Variants in TAF1L observed in about 807,000 individuals in gnomAD.
TAF1L encodes transcription initiation factor TFIID subunit 1-like.
Under a neutral mutation model 128.8 loss-of-function variants are expected in TAF1L, and 30 were observed. That is an observed-to-expected ratio of 0.23 (90% confidence interval 0.17 to 0.32). The LOEUF (loss-of-function observed/expected upper bound fraction) is 0.32. Ranked by LOEUF, TAF1L falls within the 10% of genes least tolerant of loss-of-function variation. TAF1L has a pLI of 1.00. For synonymous variants in TAF1L, 764 were observed against 790.7 expected, an observed-to-expected ratio of 0.97 and a Z score of 0.57; for missense variants, 2,099 against 2,253.7, an observed-to-expected ratio of 0.93 and a Z score of 1.39.
rs764175922 is a variant in TAF1L, at chr9:32,635,338, G to T, written c.242C>A (p.Thr81Lys). ...AGTCCCAGTCAATTCTTCATTTGCC[G>T]TGAGTTCAGTGATTAGGCTGCCCAG... ...LGLGSLITEL[T>K]ANEELTGTGG... The change falls in exon 1 of 1, where the codon ACG (threonine) becomes AAG (lysine). Residue 81 changes from threonine (T) to lysine (K), a missense_variant. By Grantham distance (78) the Thr-to-Lys change is moderately conservative (BLOSUM62 -1). Around this residue, in one of 4 missense-constraint regions of TAF1L, gnomAD observed 473 missense variants for 429.6 expected, o/e 1.10. Coordinates refer to ENST00000242310, the MANE Select transcript of TAF1L (RefSeq NM_153809.2). 2.5e-6 allele frequency: 4 copies of T among 1,613,942 alleles called. No individual in the cohort carries two copies. The highest frequency in any genetic ancestry group is 1.1e-5 in the South Asian group (1 of 91,072).
In TAF1L at chr9:32,633,094, A is replaced by G; in HGVS notation, c.2486T>C (p.Phe829Ser). Reference sequence around the variant, plus strand: ...ACTCTTCCAGAAAAGGCGGTAAATAAAAACCTGTAGAAAGTCTCGAATATG... The same window carrying G: ...ACTCTTCCAGAAAAGGCGGTAAATAGAAACCTGTAGAAAGTCTCGAATATG... ...NMHIRDFLQV[F>S]IYRLFWKSKD... The change falls in exon 1 of 1, where the codon TTT becomes TCT. Residue 829 changes from phenylalanine to serine, a missense_variant. Physicochemically the swap from Phe to Ser is radical, Grantham distance 155. This residue lies in a region of TAF1L where 1,213 missense variants were observed against 1,391.4 expected (regional missense o/e 0.87). Transcript: ENST00000242310. The G allele has an allele frequency of 6.2e-7, 1 of 1,614,220 alleles. No individual in the cohort carries two copies. The highest frequency in any genetic ancestry group is 1.7e-5 in the Admixed American group (1 of 60,018).
In TAF1L at chr9:32,635,648, C is replaced by T. The variant is rs973358147; in HGVS notation, c.-69G>A. ...GCTCCCTTACCCTACCAGCGTCTAC[C>T]GGAAGCTGAATAAAGGCGGGGGGAG... On this transcript the variant is annotated 5_prime_UTR_variant, in exon 1 of 1. Transcript: ENST00000242310. 2.6e-5 allele frequency: 35 copies of T among 1,343,062 alleles called. No individual in the cohort carries two copies. Among genetic ancestry groups the T allele is most frequent in the Non-Finnish European group, 3.1e-5 (32 of 1,026,696 alleles). 83.2% of individuals were successfully genotyped at this position (1,343,062 alleles called of 1,614,324 possible). A position where few individuals can be genotyped will look rare whatever the true frequency, so the allele number is the denominator to read the frequency against.
Position 32,631,853 on chromosome 9 carries a change from G to A in TAF1L, c.3727C>T (p.Arg1243Trp), listed in dbSNP as rs747277259. ...EKHREEMRKE[R>W]RRIQEQLRRL... ...CTCAGTTGCTCTTGAATCCTCCGCCGTTCTTTCCGCATCTCTTCCCGATGT... is the reference window on the plus strand; with the variant it reads ...CTCAGTTGCTCTTGAATCCTCCGCCATTCTTTCCGCATCTCTTCCCGATGT... Residue 1243 changes from arginine (R) to tryptophan (W), a missense_variant, in exon 1 of 1, where the codon CGG becomes TGG. By Grantham distance (101) the Arg-to-Trp change is moderately radical. This residue lies in a region of TAF1L where 1,213 missense variants were observed against 1,391.4 expected (regional missense o/e 0.87). Transcript: ENST00000242310. The surrounding 1 kb of genome is among the most constrained non-coding windows in gnomAD (Gnocchi z 4.1). 8.1e-6 allele frequency: 13 copies of A among 1,613,962 alleles called. No homozygotes were observed. Among genetic ancestry groups the A allele is most frequent in the East Asian group, 2.2e-5 (1 of 44,892 alleles).
rs761527217 is a variant in TAF1L, at chr9:32,631,909, A to G, written c.3671T>C (p.Phe1224Ser). ...ATCAAAAAGGGCAAATTTTTGAATG[A>G]ATTTCTCATCTTTTGTAGTCCGTAT... Reference protein sequence around the residue: ...VRIRTTKDEKFIQKFALFDEK... With the variant: ...VRIRTTKDEKSIQKFALFDEK... Residue 1224 changes from phenylalanine (F) to serine (S), a missense_variant, in exon 1 of 1, where the codon TTC becomes TCC. Coordinates refer to ENST00000242310, the MANE Select transcript of TAF1L (RefSeq NM_153809.2). The surrounding 1 kb of genome is among the most constrained non-coding windows in gnomAD (Gnocchi z 4.1). 54 of 1,614,034 alleles carry G rather than the reference A, an allele frequency of 3.3e-5. 1 individual carries two copies. In the East Asian group the frequency reaches 7.1e-4, roughly 21 times the overall value.
rs1822529751 is a variant in TAF1L, at chr9:32,632,444, C to G, written c.3136G>C (p.Asp1046His). 6.2e-7 allele frequency: 1 copy of G among 1,614,232 alleles called. No homozygotes were observed. Among genetic ancestry groups the G allele is most frequent in the Non-Finnish European group, 8.5e-7 (1 of 1,180,046 alleles). Residue 1046 changes from aspartate (D) to histidine (H), a missense_variant, in exon 1 of 1, where the codon GAT becomes CAT. Asp to His is a moderately conservative substitution (Grantham distance 81). Coordinates refer to ENST00000242310, the MANE Select transcript of TAF1L (RefSeq NM_153809.2). The surrounding 1 kb of genome is among the most constrained non-coding windows in gnomAD (Gnocchi z 4.4). Reference protein sequence around the residue: ...IKKLSRWEVIDVVRTMSTEQA... With the variant: ...IKKLSRWEVIHVVRTMSTEQA... ...TCTGTTGACATTGTGCGCACCACAT[C>G]AATCACTTCCCAGCGGGACAACTTT...
chr9:32,634,986 C>T lies in TAF1L; in HGVS notation c.594G>A (p.Glu198=), dbSNP rs573007200. ...SIIAPSFLAS[E]KVDFSSYSDS... is the part of the protein sequence containing the mutation. ...CAGAGTAACTACTGAAATCCACTTT[C>T]TCTGAGGCCAAAAAGGAAGGGGCAA... The change falls in exon 1 of 1, where the codon GAG becomes GAA. Residue 198 remains glutamate, a synonymous_variant. Coordinates refer to ENST00000242310, the MANE Select transcript of TAF1L (RefSeq NM_153809.2). 6.2e-7 allele frequency: 1 copy of T among 1,614,120 alleles called. No individual in the cohort carries two copies. Among genetic ancestry groups the T allele is most frequent in the African/African-American group, 1.3e-5 (1 of 75,028 alleles).
chr9:32,631,586 C>T lies in TAF1L; in HGVS notation c.3994G>A (p.Glu1332Lys). The T allele has an allele frequency of 6.2e-7, 1 of 1,614,172 alleles. No homozygotes were observed. Among genetic ancestry groups the T allele is most frequent in the South Asian group, 1.1e-5 (1 of 91,086 alleles). The change falls in exon 1 of 1, where the codon GAA becomes AAA. Residue 1332 changes from glutamate to lysine, a missense_variant. Physicochemically the swap from Glu to Lys is moderately conservative, Grantham distance 56. This residue lies in a region of TAF1L where 1,213 missense variants were observed against 1,391.4 expected (regional missense o/e 0.87). Coordinates refer to ENST00000242310, the MANE Select transcript of TAF1L (RefSeq NM_153809.2). The surrounding 1 kb of genome is among the most constrained non-coding windows in gnomAD (Gnocchi z 4.1). ...GTCCCTTCAACCTTGATAAGTTCTT[C>T]ATTATCATTATGAATGACTGTCTTT... ...LEKTVIHNDNEELIKVEGTKI... is the reference protein window; with the variant it reads ...LEKTVIHNDNKELIKVEGTKI...
At position 32,630,670 on chromosome 9, in the gene TAF1L, A is replaced by G. The variant is rs1467148808; in HGVS notation, c.4910T>C (p.Ile1637Thr). 6.2e-7 allele frequency: 1 copy of G among 1,614,194 alleles called. No individual in the cohort carries two copies. The highest frequency in any genetic ancestry group is 8.5e-7 in the Non-Finnish European group (1 of 1,180,034). Reference protein sequence around the residue: ...DEHLTQLEKDICTAKEAALEE... With the variant: ...DEHLTQLEKDTCTAKEAALEE... ...CAAAGCTGCTTCTTTAGCTGTACAAATATCCTTCTCAAGTTGAGTCAAATG... is the reference window on the plus strand; with the variant it reads ...CAAAGCTGCTTCTTTAGCTGTACAAGTATCCTTCTCAAGTTGAGTCAAATG... The change falls in exon 1 of 1, where the codon ATT becomes ACT. Residue 1637 changes from isoleucine to threonine, a missense_variant. This residue lies in a region of TAF1L where 404 missense variants were observed against 406.5 expected (regional missense o/e 0.99). Transcript: ENST00000242310.
chr9:32,633,642 T>C lies in TAF1L; in HGVS notation c.1938A>G (p.Ala646=), dbSNP rs1391253415. The change falls in exon 1 of 1, where the codon GCA becomes GCG. Residue 646 remains alanine (A), a synonymous_variant. Transcript: ENST00000242310. ...CTGAATGGGGACCTGGCTGAGAGAG[T>C]GCACCAAATGAGTACTTTTTCAGAG... ...RPPLKKYSFG[A]LSQPGPHSVQ... is the part of the protein sequence containing the mutation. 7 of 1,613,826 alleles carry C rather than the reference T, an allele frequency of 4.3e-6. No individual in the cohort carries two copies. The highest frequency in any genetic ancestry group is 5.9e-6 in the Non-Finnish European group (7 of 1,179,986).
Position 32,632,959 on chromosome 9 carries a change from G to C in TAF1L, c.2621C>G (p.Thr874Arg). Residue 874 changes from threonine to arginine, a missense_variant, in exon 1 of 1, where the codon ACA becomes AGA. This residue lies in a region of TAF1L where 1,213 missense variants were observed against 1,391.4 expected (regional missense o/e 0.87). Coordinates refer to ENST00000242310, the MANE Select transcript of TAF1L (RefSeq NM_153809.2). The surrounding 1 kb of genome is among the most constrained non-coding windows in gnomAD (Gnocchi z 4.4). ...CACCCACCAGTTTGAATCCATCCCT[G>C]TGCGTTTGAAGTCAGCGCAGAGCTT... The part of the protein sequence containing the change: ...RLKLCADFKR[T>R]GMDSNWWVLK... 6.2e-7 allele frequency: 1 copy of C among 1,614,190 alleles called. No individual in the cohort carries two copies. Among genetic ancestry groups the C allele is most frequent in the Non-Finnish European group, 8.5e-7 (1 of 1,180,034 alleles).
In TAF1L at chr9:32,635,338, G is replaced by C; in HGVS notation, c.242C>G (p.Thr81Arg). ...LGLGSLITEL[T>R]ANEELTGTGG... ...AGTCCCAGTCAATTCTTCATTTGCC[G>C]TGAGTTCAGTGATTAGGCTGCCCAG... is the stretch of plus-strand genomic sequence containing the variant. Residue 81 changes from threonine (T) to arginine (R), a missense_variant, in exon 1 of 1, where the codon ACG (threonine) becomes AGG (arginine). Transcript: ENST00000242310. 2 of 1,614,060 alleles carry C rather than the reference G, an allele frequency of 1.2e-6. No individual in the cohort carries two copies. The highest frequency in any genetic ancestry group is 1.7e-6 in the Non-Finnish European group (2 of 1,180,004).
At position 32,635,596 on chromosome 9, in the gene TAF1L, AAC is replaced by A. The variant is rs1564012884; in HGVS notation, c.-19_-18del. 1 of 1,591,318 alleles carries A rather than the reference AAC, an allele frequency of 6.3e-7. No homozygotes were observed. Among genetic ancestry groups the A allele is most frequent in the Non-Finnish European group, 8.6e-7 (1 of 1,168,172 alleles). ...GGGTCGCATAAACCGGAAATAAAAC[AAC>A]AGTCGCCCGGAAGTGATCTACTTAG... On this transcript the variant is annotated 5_prime_UTR_variant, in exon 1 of 1. Coordinates refer to ENST00000242310, the MANE Select transcript of TAF1L (RefSeq NM_153809.2).
rs967153095 is a variant in TAF1L at position 32,631,817 on chromosome 9, G to A, written c.3763C>T (p.Arg1255Trp). The A allele has an allele frequency of 8.7e-6, 14 of 1,614,058 alleles. No individual in the cohort carries two copies. The highest frequency in any genetic ancestry group is 4.0e-5 in the African/African-American group (3 of 74,996). The change falls in exon 1 of 1, where the codon CGG becomes TGG. Residue 1255 changes from arginine to tryptophan, a missense_variant. Physicochemically the swap from Arg to Trp is moderately radical, Grantham distance 101. Around this residue, in one of 4 missense-constraint regions of TAF1L, gnomAD observed 1,213 missense variants for 1,391.4 expected, o/e 0.87. Transcript: ENST00000242310. This position sits in a 1 kb window ranked among gnomAD's most constrained non-coding sequence, Gnocchi z 4.1. ...TTAAGCTTCTCCTTTTCCTGGTTCC[G>A]CTTAAGCCGCCTCAGTTGCTCTTGA... is the stretch of plus-strand genomic sequence containing the variant. ...RIQEQLRRLK[R>W]NQEKEKLKGP... is the part of the protein sequence containing the mutation.
rs944616119 is a variant in TAF1L, at chr9:32,633,537, C to T, written c.2043G>A (p.Leu681=). Residue 681 remains leucine, a synonymous_variant, in exon 1 of 1, where the codon TTG becomes TTA. Transcript: ENST00000242310. ...QERQASGGGE[L]FFMRTPQDLT... is the part of the protein sequence containing the mutation. ...GATCCTGAGGTGTGCGCATAAAAAA[C>T]AACTCTCCACCACCTGAGGCTTGCC... 1 of 1,614,198 alleles carries T rather than the reference C, an allele frequency of 6.2e-7. No individual in the cohort carries two copies. The highest frequency in any genetic ancestry group is 1.3e-5 in the African/African-American group (1 of 75,032).
At position 32,630,931 on chromosome 9, in the gene TAF1L, G is replaced by A. The variant is rs759167344; in HGVS notation, c.4649C>T (p.Pro1550Leu). ...ATCTGGAACAAACTTCTTATTAACT[G>A]GGTGATGAAATGGCCAAGAATCTGG... ...AVPDSWPFHH[P>L]VNKKFVPDYY... The change falls in exon 1 of 1, where the codon CCA becomes CTA. Residue 1550 changes from proline to leucine, a missense_variant. By Grantham distance (98) the Pro-to-Leu change is moderately conservative (BLOSUM62 -3). This residue lies in a region of TAF1L where 404 missense variants were observed against 406.5 expected (regional missense o/e 0.99). Transcript: ENST00000242310. The A allele has an allele frequency of 1.9e-6, 3 of 1,614,122 alleles. No individual in the cohort carries two copies. Among genetic ancestry groups the A allele is most frequent in the Admixed American group, 3.3e-5 (2 of 60,024 alleles).
rs775638897 is a variant in TAF1L at position 32,632,629 on chromosome 9, TAGG to T, written c.2948_2950del (p.Ser983del). The T allele has an allele frequency of 8.7e-6, 14 of 1,614,112 alleles. No individual in the cohort carries two copies. Among genetic ancestry groups the T allele is most frequent in the South Asian group, 1.1e-5 (1 of 91,088 alleles). On this transcript the variant is annotated inframe_deletion, in exon 1 of 1. Coordinates refer to ENST00000242310, the MANE Select transcript of TAF1L (RefSeq NM_153809.2). This position sits in a 1 kb window ranked among gnomAD's most constrained non-coding sequence, Gnocchi z 4.4. ...TGTTGGTTTATTTGGAATCTTCACA[TAGG>T]AGAATCCTTCACCACACCCTGTGGG... is the stretch of plus-strand genomic sequence containing the variant.
chr9:32,630,152 G>A lies in TAF1L; in HGVS notation c.5428C>T (p.Pro1810Ser), dbSNP rs1484677156. The change falls in exon 1 of 1, where the codon CCC (proline) becomes TCC (serine). Residue 1810 changes from proline (P) to serine (S), a missense_variant. Physicochemically the swap from Pro to Ser is moderately conservative, Grantham distance 74. Around this residue, in one of 4 missense-constraint regions of TAF1L, gnomAD observed 404 missense variants for 406.5 expected, o/e 0.99. Coordinates refer to ENST00000242310, the MANE Select transcript of TAF1L (RefSeq NM_153809.2). ...VGYGGIRPKQ[P>S]FMLQHASGEH... is the part of the protein sequence containing the mutation. ...CCTGAAGCATGCTGAAGCATGAAGG[G>A]TTGTTTGGGTCTTATTCCACCATAT... 6.2e-7 allele frequency: 1 copy of A among 1,614,078 alleles called. No homozygotes were observed. Among genetic ancestry groups the A allele is most frequent in the Non-Finnish European group, 8.5e-7 (1 of 1,180,044 alleles).
chr9:32,633,869 G>T lies in TAF1L; in HGVS notation c.1711C>A (p.Pro571Thr), dbSNP rs757496918. 2 of 1,614,178 alleles carry T rather than the reference G, an allele frequency of 1.2e-6. No homozygotes were observed. Among genetic ancestry groups the T allele is most frequent in the South Asian group, 2.2e-5 (2 of 91,084 alleles). ...TCTGGCTGAGACATGTTCTGCTGTG[G>T]TTCCTCCCTGATGACACCTGTTTTG... ...LGKTGVIREE[P>T]QQNMSQPEVK... Residue 571 changes from proline to threonine, a missense_variant, in exon 1 of 1, where the codon CCA becomes ACA. By Grantham distance (38) the Pro-to-Thr change is conservative (BLOSUM62 -1). This residue lies in a region of TAF1L where 1,213 missense variants were observed against 1,391.4 expected (regional missense o/e 0.87). Coordinates refer to ENST00000242310, the MANE Select transcript of TAF1L (RefSeq NM_153809.2).
In TAF1L at chr9:32,629,980, T is replaced by C. The variant is rs915225487; in HGVS notation, c.*119A>G. On this transcript the variant is annotated 3_prime_UTR_variant, in exon 1 of 1. Coordinates refer to ENST00000242310, the MANE Select transcript of TAF1L (RefSeq NM_153809.2). Reference sequence around the variant, plus strand: ...TGGAAATTTCCGATGCTGCTGAAGCTTGTGTCTTGGGTGTTCAACTTGGGA... The same window carrying C: ...TGGAAATTTCCGATGCTGCTGAAGCCTGTGTCTTGGGTGTTCAACTTGGGA... 9.0e-6 allele frequency: 14 copies of C among 1,551,606 alleles called. No individual in the cohort carries two copies. The highest frequency in any genetic ancestry group is 1.2e-5 in the Non-Finnish European group (14 of 1,148,530).
Sources: gnomAD v4.1 joint callset for allele counts on GRCh38, gnomAD v4.1.1 for gene constraint, gnomAD v4.1.1 regional missense constraint, Gnocchi (gnomAD v3.1) non-coding constraint, MANE v1.5 for transcripts, NCBI Gene and HGNC (gene_info 2026-07-23, HGNC 2026-07-21) for gene names.